The following CDK14 variants were observed in gnomAD, a reference collection of about 807,000 sequenced individuals.
CDK14 encodes the protein cyclin-dependent kinase 14.
In CDK14, 34 loss-of-function variants were observed where a neutral mutation model predicts 60.7. The observed-to-expected ratio is 0.56, with a 90% CI of 0.43 to 0.75. The LOEUF (loss-of-function observed/expected upper bound fraction) is 0.75, where lower values mean the gene tolerates loss of function less well. CDK14 is among the 30% of genes least tolerant of loss of function. The pLI, the probability that CDK14 is intolerant of heterozygous loss-of-function variation, is 0.00. For synonymous variants in CDK14, 197 were observed against 203.7 expected (o/e 0.97, Z 0.28); for missense variants, 482 against 564.1 (o/e 0.85, Z 1.47).
chr7:90,764,654 C>T (rs1019744945), intron 4 of CDK14, among the ~76,000 whole-genome samples: 6 of 152,054 alleles, frequency 3.9e-5, no homozygotes, highest in Non-Finnish European at 7.4e-5. Context: ...AGATTTCAGG[C>T]GTAAGACTTT....
At chr7:90,873,170 C>T (rs1584071352) in intron 6 of CDK14, among the ~76,000 whole-genome samples, 1 of 152,068 alleles carries the variant, frequency 6.6e-6, no homozygotes, top group Non-Finnish European at 1.5e-5. Context: ...TGTAATAAGA[C>T]TGACAATAAT....
chr7:90,903,808 C>T (rs182082083), intron 7 of CDK14, among the ~76,000 whole-genome samples: 8 of 152,184 alleles, frequency 5.3e-5, no homozygotes, highest in Admixed American at 2.6e-4. Flanking sequence ...TATAAAAATA[C>T]GCTGGGCTCC....
chr7:90,782,019 T>G (rs1805349735), intron 4 of CDK14, among the ~76,000 whole-genome samples: 1 of 152,190 alleles, frequency 6.6e-6, no homozygotes, highest in Non-Finnish European at 1.5e-5. Context: ...GTATGGCCAT[T>G]TTCACGATAT....
intron 4 of CDK14, 66 bp downstream of exon 4, chr7:90,747,841 A>T: frequency 1.6e-6 from 1 of 634,572 alleles, no homozygotes; most frequent in Non-Finnish European, 2.5e-6. Flanking sequence ...ACTAAATAGC[A>T]TTTTATTTAA....
intron 4 of CDK14, 39 bp downstream of exon 4, chr7:90,747,814 G>C: frequency 1.0e-6 from 1 of 973,404 alleles, no homozygotes; most frequent in Non-Finnish European, 1.5e-6. Flanking sequence ...CATGTACAGT[G>C]TATCTGCCCT....
intron 3 of CDK14, among the ~76,000 whole-genome samples, chr7:90,738,797 G>C (rs964434380): frequency 6.6e-6 from 1 of 151,754 alleles, no homozygotes; most frequent in East Asian, 1.9e-4. Context: ...GTTTGATCCA[G>C]TATCTTTATT....
chr7:91,102,067 C>A (rs550105840), intron 12 of CDK14, among the ~76,000 whole-genome samples: 1 of 152,286 alleles, frequency 6.6e-6, no homozygotes, highest in East Asian at 1.9e-4. Flanking sequence ...CTTCACAAAT[C>A]ATCCAGATCA....
At chr7:91,047,976 C>T (rs991469668) in intron 11 of CDK14, among the ~76,000 whole-genome samples, 1 of 152,128 alleles carries the variant, frequency 6.6e-6, no homozygotes, top group Non-Finnish European at 1.5e-5. Context: ...TCCGCCTGTC[C>T]CAACTCCACT....
intron 14 of CDK14, among the ~76,000 whole-genome samples, chr7:91,140,443 G>A (rs1025259535): frequency 3.9e-5 from 6 of 152,192 alleles, no homozygotes; most frequent in Non-Finnish European, 8.8e-5. Flanking sequence ...ATGTGAAGTG[G>A]TCATGGGCTT....
intron 2 of CDK14, among the ~76,000 whole-genome samples, chr7:90,693,825 T>G (rs372657946): frequency 6.6e-6 from 1 of 152,338 alleles, no homozygotes; most frequent in East Asian, 1.9e-4. Context: ...GTAAACTTGC[T>G]GAGCAGAGAA....
At chr7:90,741,687 A>G (rs758850916) in intron 3 of CDK14, among the ~76,000 whole-genome samples, 3 of 152,182 alleles carry the variant, frequency 2.0e-5, no homozygotes, top group Non-Finnish European at 4.4e-5. Flanking sequence ...ATTAGTATCT[A>G]AAGCACAAAT....
At chr7:90,920,010 G>A (rs1025243396) in intron 8 of CDK14, among the ~76,000 whole-genome samples, 1 of 152,268 alleles carries the variant, frequency 6.6e-6, no homozygotes, top group Non-Finnish European at 1.5e-5. Flanking sequence ...CCTGTGCACA[G>A]AGTGTAGTGA....
chr7:90,801,452 A>G (rs559969579), intron 5 of CDK14, among the ~76,000 whole-genome samples: 1 of 152,330 alleles, frequency 6.6e-6, no homozygotes, highest in Admixed American at 6.5e-5. Context: ...GTGTGGAGAT[A>G]GATTACATCT....
rs778884334 is a variant in CDK14 at position 90,722,416 on chromosome 7, G to C, written c.124-4151G>C. Among the ~76,000 whole-genome samples the C allele has an allele frequency of 1.6e-4, 24 of 152,172 alleles. No homozygotes were observed. In the Middle Eastern group the frequency reaches 0.014, roughly 86 times the overall value. ...AGACAGGGTTTTTCCACGTTGCCCA[G>C]GTTGGTCTCGAACTCCTGAGCTCAA... On this transcript the variant is annotated intron_variant, in intron 2 of 14. Coordinates refer to ENST00000380050, the MANE Select transcript of CDK14 (RefSeq NM_001287135.2).
At chr7:91,124,465 A>ATT (rs35004664) in intron 14 of CDK14, among the ~76,000 whole-genome samples, 1 of 151,896 alleles carries the variant, frequency 6.6e-6, no homozygotes, top group Non-Finnish European at 1.5e-5. Context: ...ATTTAGAGTG[A>ATT]TTTTTTAAAA....
intron 3 of CDK14, among the ~76,000 whole-genome samples, chr7:90,729,036 AT>A (rs1245034908): frequency 0.016 from 2,231 of 142,900 alleles, 58 homozygotes; most frequent in African/African-American, 0.047. Flanking sequence ...CTTTCTCATG[AT>A]TTTTTTTTTT....
intron 2 of CDK14, among the ~76,000 whole-genome samples, chr7:90,661,824 C>G (rs1335026712): frequency 6.6e-6 from 1 of 152,106 alleles, no homozygotes; most frequent in African/African-American, 2.4e-5. Context: ...AAAAGTTGCT[C>G]TATCTCATAC....
chr7:91,174,572 G>C (rs1186319889), intron 14 of CDK14, among the ~76,000 whole-genome samples: 1 of 145,732 alleles, frequency 6.9e-6, no homozygotes, highest in Admixed American at 7.2e-5. Context: ...AAATTTAGAA[G>C]AATGTATAAC....
At chr7:90,947,756 A>C in intron 8 of CDK14, among the ~76,000 whole-genome samples, 1 of 152,176 alleles carries the variant, frequency 6.6e-6, no homozygotes, top group Non-Finnish European at 1.5e-5. Context: ...GTTTTCTCAT[A>C]AGCCTCCCAT....
Sources: allele counts gnomAD v4.1 joint callset (sites outside exome capture counted in the v4.1 genomes callset), GRCh38; gene constraint gnomAD v4.1.1; transcripts MANE v1.5; gene names NCBI Gene and HGNC (gene_info 2026-07-23, HGNC 2026-07-21).